Variants in TECPR2 observed in about 807,000 individuals in gnomAD.
TECPR2 encodes the protein tectonin beta-propeller repeat containing 2.
TECPR2 carries 65 observed loss-of-function variants against 138.1 expected under a neutral mutation model. The ratio of observed to expected loss-of-function variants is 0.47; its 90% CI spans 0.39 to 0.58. TECPR2 has a LOEUF of 0.58. Among genes scored for constraint, TECPR2 ranks in the 20% least tolerant of loss-of-function variants. The pLI, the probability that TECPR2 is intolerant of heterozygous loss-of-function variation, is 0.00. For missense variants in TECPR2, 1,553 were observed against 1,824.5 expected, an observed-to-expected ratio of 0.85 and a Z score of 2.71; for synonymous variants, 746 against 749.8, an observed-to-expected ratio of 0.99 and a Z score of 0.08.
intron 5 of TECPR2, among the ~76,000 whole-genome samples, chr14:102,423,018 T>G (rs185870222): frequency 8.5e-5 from 13 of 152,342 alleles, no homozygotes; most frequent in Admixed American, 3.3e-4. Flanking sequence ...CATCATTATG[T>G]TACAGGTGCC....
chr14:102,457,987 C>T (rs1189431918), intron 16 of TECPR2, among the ~76,000 whole-genome samples: 1 of 150,156 alleles, frequency 6.7e-6, no homozygotes, highest in Non-Finnish European at 1.5e-5. Context: ...GATTCTCCTG[C>T]CTCAGTCTCC....
At chr14:102,374,791 A>G (rs1887600308) in intron 1 of TECPR2, among the ~76,000 whole-genome samples, 1 of 152,164 alleles carries the variant, frequency 6.6e-6, no homozygotes, top group African/African-American at 2.4e-5. Flanking sequence ...TTGGCCTCCC[A>G]AAGCACTAGG....
At chr14:102,498,022 C>CGCCCAACCTCCCAGCTCCATCTGT in intron 19 of TECPR2, 81 bp from the exon 20 acceptor site, 1 of 1,510,190 alleles carries the variant, frequency 6.6e-7, no homozygotes. Flanking sequence ...CCCAGACCTG[C>CGCCCAACCTCCCAGCTCCATCTGT]GCCCAAGCTC....
In TECPR2 at chr14:102,425,168, C is replaced by G. The variant is rs936655898; in HGVS notation, c.828C>G (p.Ser276=). Residue 276 remains serine (S), a synonymous_variant, in exon 6 of 20, where the codon TCC becomes TCG. Transcript: ENST00000359520. ...KPFELHPRLE[S]PNSGSCSLPE... Reference sequence around the variant, plus strand: ...TTGAACTGCACCCGCGTCTGGAATCCCCCAACAGTGGAAGTTGCAGCTTAC... The same window carrying G: ...TTGAACTGCACCCGCGTCTGGAATCGCCCAACAGTGGAAGTTGCAGCTTAC... 4 of 1,614,098 alleles carry G rather than the reference C, an allele frequency of 2.5e-6. No homozygotes were observed. The South Asian group carries it at 4.4e-5, about 18-fold the overall frequency.
Position 102,419,059 on chromosome 14 carries a change from GCTGGCAGCCA to G in TECPR2, c.638+4273_638+4282del, listed in dbSNP as rs1219633090. On this transcript the variant is annotated intron_variant, in intron 5 of 19. Coordinates refer to ENST00000359520, the MANE Select transcript of TECPR2 (RefSeq NM_014844.5). This position sits in a 1 kb window ranked among gnomAD's most constrained non-coding sequence, Gnocchi z 4.8. ...GGGTGTACCTCTCGGGGAGCTGTGC[GCTGGCAGCCA>G]CTGGCATGCAGACAGGAGCTCGCCT... Among the ~76,000 whole-genome samples, 1 of 152,130 alleles carries G rather than the reference GCTGGCAGCCA, an allele frequency of 6.6e-6. No individual in the cohort carries two copies. Among genetic ancestry groups the G allele is most frequent in the African/African-American group, 2.4e-5 (1 of 41,426 alleles).
At chr14:102,481,917 G>T (rs746856685) in intron 17 of TECPR2, among the ~76,000 whole-genome samples, 44 of 152,192 alleles carry the variant, frequency 2.9e-4, no homozygotes, top group Non-Finnish European at 5.7e-4. Context: ...TGCTTCCTGG[G>T]CACGGGCCTT....
At chr14:102,381,913 C>A (rs1490293977) in intron 2 of TECPR2, among the ~76,000 whole-genome samples, 1 of 152,088 alleles carries the variant, frequency 6.6e-6, no homozygotes, top group Non-Finnish European at 1.5e-5. Flanking sequence ...AAGACGAGTA[C>A]AACATAAGTA....
At chr14:102,478,542 G>A (rs532407447) in intron 17 of TECPR2, among the ~76,000 whole-genome samples, 1 of 151,960 alleles carries the variant, frequency 6.6e-6, no homozygotes, top group African/African-American at 2.4e-5. Flanking sequence ...TTAGCCAGGT[G>A]TGGTGGCATG....
intron 9 of TECPR2, among the ~76,000 whole-genome samples, chr14:102,435,795 G>A (rs1159412069): frequency 6.6e-6 from 1 of 152,236 alleles, no homozygotes; most frequent in Non-Finnish European, 1.5e-5. Flanking sequence ...CATGTAACTA[G>A]GAGATGACTT....
chr14:102,410,221 G>T (rs1163443460), intron 4 of TECPR2, among the ~76,000 whole-genome samples: 1 of 152,068 alleles, frequency 6.6e-6, no homozygotes, highest in Non-Finnish European at 1.5e-5. Flanking sequence ...TGAGAAGAGT[G>T]AGTGGCATTG....
chr14:102,432,795 A>G (rs1242249424), intron 8 of TECPR2, among the ~76,000 whole-genome samples: 1 of 151,916 alleles, frequency 6.6e-6, no homozygotes. Flanking sequence ...CACGAGGTCA[A>G]GAGATTGAGA....
At chr14:102,412,809 C>T (rs923702216) in intron 4 of TECPR2, among the ~76,000 whole-genome samples, 3 of 152,092 alleles carry the variant, frequency 2.0e-5, no homozygotes, top group Non-Finnish European at 4.4e-5. Flanking sequence ...AGTACCTATC[C>T]TCTGGCCAGG....
chr14:102,471,854 C>G (rs987622308), intron 17 of TECPR2, among the ~76,000 whole-genome samples: 1 of 152,106 alleles, frequency 6.6e-6, no homozygotes, highest in Non-Finnish European at 1.5e-5. Context: ...TCCTCTATTT[C>G]TTCTATTTCC....
At chr14:102,497,981 G>A (rs1891335576) in intron 19 of TECPR2, 122 bp from the exon 20 acceptor site, 1 of 1,142,560 alleles carries the variant, frequency 8.8e-7, no homozygotes, top group Admixed American at 2.5e-5. Context: ...ATGGTGGCTT[G>A]TCCAGTGTCC....
intron 4 of TECPR2, among the ~76,000 whole-genome samples, chr14:102,409,908 G>A (rs1350262825): frequency 6.6e-6 from 1 of 152,120 alleles, no homozygotes; most frequent in African/African-American, 2.4e-5. Context: ...GGGTTCAAGG[G>A]ATTCTCATGC....
At chr14:102,485,809 G>A (rs1301019184) in intron 17 of TECPR2, among the ~76,000 whole-genome samples, 3 of 152,224 alleles carry the variant, frequency 2.0e-5, no homozygotes, top group Admixed American at 6.5e-5. Context: ...GAGCCTGTCT[G>A]TAGAGTCAGC....
intron 10 of TECPR2, among the ~76,000 whole-genome samples, chr14:102,438,938 T>C (rs560941681): frequency 1.1e-4 from 16 of 151,342 alleles, no homozygotes; most frequent in Non-Finnish European, 1.9e-4. Context: ...CTCAGCTCAC[T>C]GCGAGCTCCA....
At chr14:102,410,359 A>T (rs1595109085) in intron 4 of TECPR2, among the ~76,000 whole-genome samples, 2 of 140,956 alleles carry the variant, frequency 1.4e-5, no homozygotes, top group East Asian at 4.1e-4. Context: ...GGAAAACCAG[A>T]GACCTTTGTT....
rs144849839 is a variant in TECPR2, at chr14:102,435,147, G to A, written c.2330G>A (p.Ser777Asn). 520 of 1,613,326 alleles carry A rather than the reference G, an allele frequency of 3.2e-4. 1 individual carries two copies. The highest frequency in any genetic ancestry group is 9.9e-4 in the Middle Eastern group (6 of 6,062). ...ACGAGTGTGACAGAGCTCGGACCTA[G>A]TTGCTCCCAGCAGGACCTGAGCCGG... ...SETSVTELGPSCSQQDLSRLG... is the reference protein window; with the variant it reads ...SETSVTELGPNCSQQDLSRLG... Residue 777 changes from serine to asparagine, a missense_variant, in exon 9 of 20, where the codon AGT (serine) becomes AAT (asparagine). Ser to Asn is a conservative substitution (Grantham distance 46). Coordinates refer to ENST00000359520, the MANE Select transcript of TECPR2 (RefSeq NM_014844.5).
Sources: allele counts gnomAD v4.1 joint callset (sites outside exome capture counted in the v4.1 genomes callset), GRCh38; gene constraint gnomAD v4.1.1; non-coding constraint Gnocchi (gnomAD v3.1); transcripts MANE v1.5; gene names NCBI Gene and HGNC (gene_info 2026-07-23, HGNC 2026-07-21).